CLGN: variants seen among roughly 807,000 people sequenced by gnomAD.
The protein encoded by CLGN is testis tissue sperm-binding protein Li 79P.
Under a neutral mutation model 79.1 loss-of-function variants are expected in CLGN, and 62 were observed. The ratio of observed to expected loss-of-function variants is 0.78; its 90% CI spans 0.64 to 0.97. CLGN has a LOEUF of 0.97. Ranked by LOEUF, CLGN falls within the 50% of genes least tolerant of loss-of-function variation. CLGN has a pLI of 0.00. For synonymous variants in CLGN, 225 were observed against 224.7 expected (o/e 1.00, Z -0.01); for missense variants, 647 against 715.5 (o/e 0.90, Z 1.09).
In CLGN at chr4:140,394,219, CACAATGTTCCCTACG is replaced by C. The variant is rs1364573908; in HGVS notation, c.1150-193_1150-179del. On this transcript the variant is annotated intron_variant, in intron 10 of 14. Transcript: ENST00000325617. Reference sequence around the variant, plus strand: ...AAAATCTTGTTTCTTTTGCTGTGTACACAATGTTCCCTACGAGTGATACTAACTTTAAATTCTGCA... The same window carrying C: ...AAAATCTTGTTTCTTTTGCTGTGTACAGTGATACTAACTTTAAATTCTGCA... Among the ~76,000 whole-genome samples the C allele has an allele frequency of 3.3e-5, 5 of 152,068 alleles. No homozygotes were observed. In the East Asian group the frequency reaches 9.6e-4, roughly 29 times the overall value.
In CLGN at chr4:140,396,201, C is replaced by T; in HGVS notation, c.889G>A (p.Glu297Lys). Residue 297 changes from glutamate to lysine, a missense_variant, in exon 9 of 15, where the codon GAA (glutamate) becomes AAA (lysine). Physicochemically the swap from Glu to Lys is moderately conservative, Grantham distance 56. Transcript: ENST00000325617. ...TCTTCTATTTGGGCAGGTTCACTTT[C>T]ATCCCTGTAAATACAACGTTTTATA... ...PSAVKPEDWD[E>K]SEPAQIEDSS... The T allele has an allele frequency of 6.2e-7, 1 of 1,612,094 alleles. No individual in the cohort carries two copies. Among genetic ancestry groups the T allele is most frequent in the Non-Finnish European group, 8.5e-7 (1 of 1,178,218 alleles).
chr4:140,394,139 ACTGG>A, intron 10 of CLGN, 98 bp from the exon 11 acceptor site: 2 of 784,846 alleles, frequency 2.5e-6, no homozygotes, highest in Admixed American at 5.5e-5. Context: ...CGCAATGCTA[ACTGG>A]AAAAAAGAGA....
At chr4:140,424,491 G>A (rs1729525978) in intron 1 of CLGN, among the ~76,000 whole-genome samples, 1 of 152,072 alleles carries the variant, frequency 6.6e-6, no homozygotes, top group African/African-American at 2.4e-5. Context: ...CTATTGTTGG[G>A]TACAGTGTTG....
At chr4:140,423,279 T>C (rs1729504506) in intron 1 of CLGN, among the ~76,000 whole-genome samples, 1 of 152,220 alleles carries the variant, frequency 6.6e-6, no homozygotes, top group Non-Finnish European at 1.5e-5. Context: ...ATGCTTTTTC[T>C]GCATGAATAA....
intron 2 of CLGN, among the ~76,000 whole-genome samples, chr4:140,412,636 G>T (rs572431447): frequency 6.6e-6 from 1 of 152,174 alleles, no homozygotes; most frequent in Admixed American, 6.5e-5. Flanking sequence ...TCAAAAGTAT[G>T]AATAAAAACC....
intron 5 of CLGN, 99 bp from the exon 6 acceptor site, chr4:140,402,165 T>A (rs1459587240): frequency 1.7e-6 from 1 of 592,696 alleles, no homozygotes; most frequent in Non-Finnish European, 2.8e-6. Flanking sequence ...TAAGTATAAA[T>A]TTTTTTACAT....
chr4:140,425,960 ACT>A (rs895127541), intron 1 of CLGN, among the ~76,000 whole-genome samples: 4 of 151,468 alleles, frequency 2.6e-5, no homozygotes, highest in African/African-American at 9.7e-5. Flanking sequence ...TATTTAACAC[ACT>A]TTTTGTACAT....
chr4:140,418,295 A>C (rs1729387612), intron 1 of CLGN, among the ~76,000 whole-genome samples: 1 of 149,928 alleles, frequency 6.7e-6, no homozygotes, highest in Non-Finnish European at 1.5e-5. Flanking sequence ...GGCATGGGCA[A>C]GGACTTCATG....
intron 14 of CLGN, among the ~76,000 whole-genome samples, chr4:140,389,524 G>A (rs1728735465): frequency 6.6e-6 from 1 of 151,828 alleles, no homozygotes; most frequent in South Asian, 2.1e-4. Flanking sequence ...CGGAAAGACT[G>A]AAAGATGGAA....
intron 11 of CLGN, among the ~76,000 whole-genome samples, 188 bp from the exon 12 acceptor site, chr4:140,392,899 T>C (rs1271103465): frequency 2.6e-5 from 4 of 152,112 alleles, no homozygotes; most frequent in Admixed American, 2.6e-4. Context: ...CATGCATCAC[T>C]GAGTGAGACT....
intron 1 of CLGN, among the ~76,000 whole-genome samples, chr4:140,423,441 AT>A (rs1282781785): frequency 6.6e-6 from 1 of 152,122 alleles, no homozygotes; most frequent in East Asian, 1.9e-4. Context: ...GTTGTCAAGT[AT>A]TTTGTTAAGA....
intron 6 of CLGN, among the ~76,000 whole-genome samples, chr4:140,401,488 T>A (rs935344495): frequency 6.6e-6 from 1 of 152,182 alleles, no homozygotes; most frequent in Non-Finnish European, 1.5e-5. Context: ...AGGAGAAGGC[T>A]ATAAGAAATA....
chr4:140,391,478 C>T (rs1728771922), intron 13 of CLGN, among the ~76,000 whole-genome samples: 1 of 151,792 alleles, frequency 6.6e-6, no homozygotes, highest in Non-Finnish European at 1.5e-5. Context: ...TCCTAATACA[C>T]ACATGAACAT....
At chr4:140,418,572 T>C (rs1392145355) in intron 1 of CLGN, among the ~76,000 whole-genome samples, 4,466 of 140,986 alleles carry the variant, frequency 0.032, 98 homozygotes, top group Middle Eastern at 0.071. Context: ...CAAAAGAAGA[T>C]ATTTATGCAG....
intron 8 of CLGN, among the ~76,000 whole-genome samples, chr4:140,398,260 A>G (rs1034591488): frequency 1.5e-5 from 2 of 133,024 alleles, no homozygotes; most frequent in African/African-American, 5.8e-5. Flanking sequence ...GGGCAAACAT[A>G]CTCTTTTTTT....
At chr4:140,416,127 G>A (rs1438932341) in intron 1 of CLGN, among the ~76,000 whole-genome samples, 1 of 46,162 alleles carries the variant, frequency 2.2e-5, no homozygotes, top group Non-Finnish European at 3.9e-5. Flanking sequence ...AATGAAGGCA[G>A]AAATAAAGAT....
chr4:140,426,566 G>A (rs547100955), intron 1 of CLGN: 2 of 152,378 alleles, frequency 1.3e-5, no homozygotes, highest in African/African-American at 4.8e-5. Flanking sequence ...GGGCTACCTC[G>A]AGTGATGTCG....
chr4:140,409,917 C>T, intron 3 of CLGN, 22 bp from the exon 4 acceptor site: 1 of 1,526,324 alleles, frequency 6.6e-7, no homozygotes, highest in Non-Finnish European at 9.0e-7. Context: ...GTTGAACATA[C>T]ATATATGTCA....
At position 140,412,649 on chromosome 4, in the gene CLGN, A is replaced by T. The variant is rs112391108; in HGVS notation, c.144+286T>A. On this transcript the variant is annotated intron_variant, in intron 2 of 14. Coordinates refer to ENST00000325617, the MANE Select transcript of CLGN (RefSeq NM_004362.3). ...TGTCAAAAGTATGAATAAAAACCTTACTATTAGCTTAGTTCTCTTTAATCC... is the reference window on the plus strand; with the variant it reads ...TGTCAAAAGTATGAATAAAAACCTTTCTATTAGCTTAGTTCTCTTTAATCC... 5.3e-3 allele frequency among the ~76,000 whole-genome samples: 811 copies of T among 152,232 alleles called. 11 individuals carry two copies. Among genetic ancestry groups the T allele is most frequent in the African/African-American group, 0.017 (723 of 41,540 alleles).
Sources: allele counts gnomAD v4.1 joint callset (sites outside exome capture counted in the v4.1 genomes callset), GRCh38; gene constraint gnomAD v4.1.1; transcripts MANE v1.5; gene names NCBI Gene and HGNC (gene_info 2026-07-23, HGNC 2026-07-21).